ACKR2: variants seen among roughly 807,000 people sequenced by gnomAD.
The protein encoded by ACKR2 is atypical chemokine receptor 2, also known as C-C chemokine receptor D6.
For missense variants in ACKR2, 457 were observed against 477.3 expected (o/e 0.96, Z 0.40); for synonymous variants, 207 against 192.2 (o/e 1.08, Z -0.64).
intron 2 of ACKR2, chr3:42,839,175 A>C (rs1184146163): frequency 1.3e-5 from 2 of 151,996 alleles, no homozygotes; most frequent in African/African-American, 2.4e-5. Context: ...GGGATCCTTC[A>C]TCCTGGACGC....
At chr3:42,855,572 A>G (rs1455905527) in intron 2 of ACKR2, among the ~76,000 whole-genome samples, 1 of 152,056 alleles carries the variant, frequency 6.6e-6, no homozygotes, top group Non-Finnish European at 1.5e-5. Flanking sequence ...GGCATTATTG[A>G]TGAAAGTGAT....
intron 2 of ACKR2, chr3:42,835,189 A>C (rs983567752): frequency 7.5e-6 from 1 of 133,598 alleles, no homozygotes; most frequent in African/African-American, 2.6e-5. Flanking sequence ...TGAATTTCTT[A>C]ATGTTTTCCT....
intron 2 of ACKR2, among the ~76,000 whole-genome samples, chr3:42,860,164 C>CAAGAAAAAAAA (rs2088367344): frequency 1.2e-4 from 1 of 8,050 alleles, no homozygotes; most frequent in Non-Finnish European, 2.7e-4. Context: ...AAATGGAAAG[C>CAAGAAAAAAAA]AAAAAAAAAA....
chr3:42,828,635 A>G (rs1017647016), intron 2 of ACKR2, among the ~76,000 whole-genome samples: 1 of 152,186 alleles, frequency 6.6e-6, no homozygotes, highest in African/African-American at 2.4e-5. Context: ...ATTTGGAGAT[A>G]TGGAGATTTG....
At position 42,864,775 on chromosome 3, in the gene ACKR2, C is replaced by T; in HGVS notation, c.273C>T (p.Ser91=). 1 of 1,614,250 alleles carries T rather than the reference C, an allele frequency of 6.2e-7. No homozygotes were observed. The highest frequency in any genetic ancestry group is 8.5e-7 in the Non-Finnish European group (1 of 1,180,040). Residue 91 remains serine (S), a synonymous_variant, in exon 3 of 3, where the codon TCC becomes TCT. Coordinates refer to ENST00000422265, the MANE Select transcript of ACKR2 (RefSeq NM_001296.5). ...TCTATCTGCTGAATCTGGCCATCTC[C>T]AACCTTCTGTTTCTGGTGACACTGC... ...VEIYLLNLAI[S]NLLFLVTLPF... is the part of the protein sequence containing the mutation.
At position 42,865,429 on chromosome 3, in the gene ACKR2, C is replaced by T. The variant is rs955213024; in HGVS notation, c.927C>T (p.Pro309=). 3 of 1,614,194 alleles carry T rather than the reference C, an allele frequency of 1.9e-6. No individual in the cohort carries two copies. Among genetic ancestry groups the T allele is most frequent in the East Asian group, 4.5e-5 (2 of 44,878 alleles). Residue 309 remains proline, a synonymous_variant, in exon 3 of 3, where the codon CCC becomes CCT. Coordinates refer to ENST00000422265, the MANE Select transcript of ACKR2 (RefSeq NM_001296.5). ...SIAFLHCCFS[P]ILYAFSSHRF... Reference sequence around the variant, plus strand: ...CCTTCCTTCACTGCTGCTTTTCCCCCATCCTGTATGCCTTCTCCAGTCACC... The same window carrying T: ...CCTTCCTTCACTGCTGCTTTTCCCCTATCCTGTATGCCTTCTCCAGTCACC...
At chr3:42,854,179 G>T (rs543802611) in intron 2 of ACKR2, among the ~76,000 whole-genome samples, 17 of 152,320 alleles carry the variant, frequency 1.1e-4, no homozygotes, top group Non-Finnish European at 2.1e-4. Context: ...GGGAATGCTG[G>T]TGAAGGTTTG....
rs2088441543 is a variant in ACKR2, at chr3:42,867,027, C to T, written c.*1370C>T. On this transcript the variant is annotated 3_prime_UTR_variant, in exon 3 of 3. Transcript: ENST00000422265. Reference sequence around the variant, plus strand: ...AGCTAGGACTACAGGAGCACACCACCACACCTGGCTAATTTTTGTATTTTT... The same window carrying T: ...AGCTAGGACTACAGGAGCACACCACTACACCTGGCTAATTTTTGTATTTTT... 1.2e-5 allele frequency: 2 copies of T among 160,914 alleles called. No homozygotes were observed. The highest frequency in any genetic ancestry group is 1.9e-4 in the East Asian group (1 of 5,182). 10.0% of individuals were successfully genotyped at this position (160,914 alleles called of 1,614,324 possible).
intron 2 of ACKR2, among the ~76,000 whole-genome samples, chr3:42,829,679 C>T (rs1700910171): frequency 6.6e-6 from 1 of 152,186 alleles, no homozygotes; most frequent in Non-Finnish European, 1.5e-5. Flanking sequence ...TGCCCTTCTT[C>T]CTATAGCACA....
chr3:42,860,943 A>G (rs1337624876), intron 2 of ACKR2, among the ~76,000 whole-genome samples: 2 of 152,234 alleles, frequency 1.3e-5, no homozygotes, highest in South Asian at 2.1e-4. Flanking sequence ...TAACATCACA[A>G]TTAAAAGAAC....
intron 2 of ACKR2, among the ~76,000 whole-genome samples, chr3:42,837,514 G>A (rs910449320): frequency 2.0e-5 from 3 of 152,160 alleles, no homozygotes; most frequent in Non-Finnish European, 2.9e-5. Flanking sequence ...GAGCCACTGC[G>A]ACCAGCTGGG....
chr3:42,835,473 C>CG (rs1353450803), intron 2 of ACKR2: 2 of 152,004 alleles, frequency 1.3e-5, no homozygotes, highest in Non-Finnish European at 1.5e-5. Context: ...TCCAGGACCA[C>CG]TCTCCTTCTG....
At chr3:42,825,048 T>G (rs1700848702) in intron 2 of ACKR2, among the ~76,000 whole-genome samples, 1 of 152,190 alleles carries the variant, frequency 6.6e-6, no homozygotes, top group African/African-American at 2.4e-5. Context: ...TTATGGACTC[T>G]CAGTTCTATT....
intron 2 of ACKR2, among the ~76,000 whole-genome samples, chr3:42,831,422 G>A (rs956073867): frequency 6.6e-6 from 1 of 152,198 alleles, no homozygotes; most frequent in African/African-American, 2.4e-5. Context: ...CTGGCATGAT[G>A]CTAAACTTTA....
At position 42,864,723 on chromosome 3, in the gene ACKR2, A is replaced by G. The variant is rs1319314297; in HGVS notation, c.221A>G (p.Tyr74Cys). 1 of 1,614,182 alleles carries G rather than the reference A, an allele frequency of 6.2e-7. No homozygotes were observed. Among genetic ancestry groups the G allele is most frequent in the Non-Finnish European group, 8.5e-7 (1 of 1,180,026 alleles). ...NLLLLMVLLR[Y>C]VPRRRMVEIY... ...CTTCTTCTCATGGTCTTGCTCCGTTACGTGCCTCGCAGGCGGATGGTTGAG... is the reference window on the plus strand; with the variant it reads ...CTTCTTCTCATGGTCTTGCTCCGTTGCGTGCCTCGCAGGCGGATGGTTGAG... Residue 74 changes from tyrosine (Y) to cysteine (C), a missense_variant, in exon 3 of 3, where the codon TAC (tyrosine) becomes TGC (cysteine). Transcript: ENST00000422265.
Position 42,864,548 on chromosome 3 carries a change from G to C in ACKR2, c.46G>C (p.Asp16His). ...SPQPLATEDA[D>H]SENSSFYYYD... ...GCAGCCACTCGCCACTGAGGATGCC[G>C]ATTCTGAGAATAGCAGCTTCTATTA... The change falls in exon 3 of 3, where the codon GAT (aspartate) becomes CAT (histidine). Residue 16 changes from aspartate (D) to histidine (H), a missense_variant. Physicochemically the swap from Asp to His is moderately conservative, Grantham distance 81. Transcript: ENST00000422265. 1 of 1,612,596 alleles carries C rather than the reference G, an allele frequency of 6.2e-7. No homozygotes were observed. Among genetic ancestry groups the C allele is most frequent in the Non-Finnish European group, 8.5e-7 (1 of 1,178,946 alleles).
chr3:42,818,887 T>A (rs1362664273), intron 1 of ACKR2, among the ~76,000 whole-genome samples: 1 of 152,208 alleles, frequency 6.6e-6, no homozygotes, highest in East Asian at 1.9e-4. Context: ...CTGACAACAT[T>A]TTCAAACAAA....
intron 2 of ACKR2, among the ~76,000 whole-genome samples, chr3:42,853,576 TTTC>T (rs1701186618): frequency 6.6e-6 from 1 of 152,162 alleles, no homozygotes; most frequent in Non-Finnish European, 1.5e-5. Context: ...TGCTTACTAT[TTTC>T]TTTGAGTGGT....
chr3:42,849,237 C>T (rs989921899), intron 2 of ACKR2, among the ~76,000 whole-genome samples: 1 of 152,142 alleles, frequency 6.6e-6, no homozygotes, highest in Non-Finnish European at 1.5e-5. Context: ...TGCTGTGGCT[C>T]GTGGCTAGAA....
Sources: allele counts gnomAD v4.1 joint callset (sites outside exome capture counted in the v4.1 genomes callset), GRCh38; gene constraint gnomAD v4.1.1; transcripts MANE v1.5; gene names NCBI Gene and HGNC (gene_info 2026-07-23, HGNC 2026-07-21).